The following GFRA1 variants were observed in gnomAD, a reference collection of about 807,000 sequenced individuals.
GFRA1 encodes GDNF family receptor alpha 1, also known as GDNF family receptor alpha-1.
GFRA1 carries 16 observed loss-of-function variants against 51.6 expected under a neutral mutation model. The ratio of observed to expected loss-of-function variants is 0.31; its 90% CI spans 0.21 to 0.47. GFRA1 has a LOEUF of 0.47. Ranked by LOEUF, GFRA1 falls within the 20% of genes least tolerant of loss-of-function variation. GFRA1 has a pLI of 1.00. For synonymous variants in GFRA1, 270 were observed against 241.3 expected (o/e 1.12, Z -1.10); for missense variants, 530 against 594.3 (o/e 0.89, Z 1.13).
intron 4 of GFRA1, among the ~76,000 whole-genome samples, chr10:116,263,266 A>T (rs1487234683): frequency 6.6e-6 from 1 of 152,212 alleles, no homozygotes; most frequent in East Asian, 1.9e-4. Context: ...CCCAGTCTTG[A>T]GTCAGGAGCA....
At position 116,243,557 on chromosome 10, in the gene GFRA1, G is replaced by GT. The variant is rs567430536; in HGVS notation, c.418+25945_418+25946insA. 7.1e-3 allele frequency among the ~76,000 whole-genome samples: 941 copies of GT among 131,656 alleles called. 6 individuals carry two copies. Among genetic ancestry groups the GT allele is most frequent in the South Asian group, 0.011 (44 of 3,956 alleles). The allele number at this position is 131,656 out of a possible 152,430, so 86.4% of individuals were successfully genotyped here. On this transcript the variant is annotated intron_variant, in intron 4 of 10. Coordinates refer to ENST00000355422, the MANE Select transcript of GFRA1 (RefSeq NM_005264.8). ...AAATGTGATATAACAAAAAGGGTTT[G>GT]GTTTTTTTTTTAAGAAAAAAAAAAC...
chr10:116,101,398 G>A (rs73367238), intron 6 of GFRA1, among the ~76,000 whole-genome samples: 1,846 of 152,100 alleles, frequency 0.012, 37 homozygotes, highest in African/African-American at 0.043. Context: ...GAAATGTATC[G>A]CTCTCAGTAA....
intron 9 of GFRA1, among the ~76,000 whole-genome samples, chr10:116,082,944 T>C (rs1011451096): frequency 2.6e-5 from 4 of 152,214 alleles, no homozygotes; most frequent in African/African-American, 9.6e-5. Flanking sequence ...TGGAGGCCAC[T>C]TCCCCCAGTC....
At chr10:116,252,115 G>T (rs1448031178) in intron 4 of GFRA1, among the ~76,000 whole-genome samples, 1 of 151,908 alleles carries the variant, frequency 6.6e-6, no homozygotes, top group Non-Finnish European at 1.5e-5. Context: ...GCCCACGTCA[G>T]AGTGCTAATC....
intron 5 of GFRA1, among the ~76,000 whole-genome samples, chr10:116,138,422 GCTTT>G (rs1317574351): frequency 6.6e-6 from 1 of 151,884 alleles, no homozygotes; most frequent in Non-Finnish European, 1.5e-5. Context: ...CTAAATCCTG[GCTTT>G]CTATTTGATT....
In GFRA1 at chr10:116,060,838, C is replaced by G. The variant is rs576291424; in HGVS notation, c.*3560G>C. 6.6e-6 allele frequency: 1 copy of G among 152,198 alleles called. No individual in the cohort carries two copies. The highest frequency in any genetic ancestry group is 1.5e-5 in the Non-Finnish European group (1 of 68,010). 9.4% of individuals were successfully genotyped at this position (152,198 alleles called of 1,614,324 possible). ...GTCTAACTAACTGCATGAATGAAAA[C>G]TTATTTTCCAAAAGACAGCTCCTCT... is the stretch of plus-strand genomic sequence containing the variant. On this transcript the variant is annotated 3_prime_UTR_variant, in exon 11 of 11. Transcript: ENST00000355422.
At chr10:116,206,099 G>A (rs1267521579) in intron 5 of GFRA1, among the ~76,000 whole-genome samples, 1 of 152,012 alleles carries the variant, frequency 6.6e-6, no homozygotes, top group Non-Finnish European at 1.5e-5. Flanking sequence ...GTGTGACTGG[G>A]GAGCCAACCA....
intron 5 of GFRA1, among the ~76,000 whole-genome samples, chr10:116,170,939 T>C (rs1422434065): frequency 6.6e-6 from 1 of 152,190 alleles, no homozygotes; most frequent in African/African-American, 2.4e-5. Context: ...GGACACATCA[T>C]CCTTTTGCTA....
At chr10:116,185,565 G>A (rs74874714) in intron 5 of GFRA1, among the ~76,000 whole-genome samples, 7,958 of 152,154 alleles carry the variant, frequency 0.052, 254 homozygotes, top group South Asian at 0.12. Flanking sequence ...ATCAATGACT[G>A]ACTAGTGTTG....
chr10:116,223,638 G>C (rs1966080194), intron 4 of GFRA1, among the ~76,000 whole-genome samples: 2 of 152,176 alleles, frequency 1.3e-5, no homozygotes, highest in African/African-American at 4.8e-5. Context: ...CTTGGCGGCT[G>C]TACACAGGGA....
chr10:116,176,160 G>T (rs17094308), intron 5 of GFRA1, among the ~76,000 whole-genome samples: 1 of 152,140 alleles, frequency 6.6e-6, no homozygotes, highest in Non-Finnish European at 1.5e-5. Context: ...GAAAAATGTC[G>T]ATCTGCCAAT....
intron 6 of GFRA1, among the ~76,000 whole-genome samples, chr10:116,105,186 T>G (rs1317804099): frequency 6.6e-6 from 1 of 152,236 alleles, no homozygotes; most frequent in Non-Finnish European, 1.5e-5. Context: ...AGATATTCAG[T>G]GGGATAACTG....
intron 5 of GFRA1, among the ~76,000 whole-genome samples, chr10:116,177,722 ATC>A (rs3837366): frequency 0.14 from 21,873 of 152,210 alleles, 1,792 homozygotes; most frequent in East Asian, 0.25. Flanking sequence ...CTTCCTGAAT[ATC>A]TGAGAAATAT....
intron 4 of GFRA1, among the ~76,000 whole-genome samples, chr10:116,250,679 C>T (rs1042753616): frequency 1.3e-5 from 2 of 152,136 alleles, no homozygotes; most frequent in Admixed American, 6.5e-5. Flanking sequence ...GATAGTGAAA[C>T]GCAGCCAGAT....
At chr10:116,136,356 G>A (rs965292042) in intron 5 of GFRA1, among the ~76,000 whole-genome samples, 16 of 152,252 alleles carry the variant, frequency 1.1e-4, no homozygotes, top group Admixed American at 1.0e-3. Flanking sequence ...TTTAGCCTGT[G>A]CGAGCTCCAC....
chr10:116,242,873 T>G (rs1245039909), intron 4 of GFRA1, among the ~76,000 whole-genome samples: 1 of 152,186 alleles, frequency 6.6e-6, no homozygotes, highest in African/African-American at 2.4e-5. Context: ...TTCTTTCTTT[T>G]TTATATTTAA....
chr10:116,153,617 T>A (rs1959142487), intron 5 of GFRA1, among the ~76,000 whole-genome samples: 1 of 152,162 alleles, frequency 6.6e-6, no homozygotes, highest in Non-Finnish European at 1.5e-5. Flanking sequence ...AGTGTGGACA[T>A]AAACAATATA....
intron 5 of GFRA1, among the ~76,000 whole-genome samples, chr10:116,186,497 CAT>C (rs1304395168): frequency 1.3e-5 from 2 of 148,772 alleles, no homozygotes; most frequent in Non-Finnish European, 3.0e-5. Context: ...TTGGTTTCCA[CAT>C]ATGTCTGGGA....
Position 116,272,071 on chromosome 10 carries a change from C to A in GFRA1, c.-42G>T. The A allele has an allele frequency of 2.0e-6, 3 of 1,522,340 alleles. No individual in the cohort carries two copies. The highest frequency in any genetic ancestry group is 8.9e-7 in the Non-Finnish European group (1 of 1,122,740). 94.3% of individuals were successfully genotyped at this position (1,522,340 alleles called of 1,614,324 possible). A position where few individuals can be genotyped will look rare whatever the true frequency, so the allele number is the denominator to read the frequency against. On this transcript the variant is annotated 5_prime_UTR_variant, in exon 2 of 11. Transcript: ENST00000355422. The surrounding 1 kb of genome is among the most constrained non-coding windows in gnomAD (Gnocchi z 4.4). ...TGGTCCCCGCCCCCCCAAAAAAATC[C>A]CGAGCCGCCGCTGGGTCTTGCCGAG...
Sources: allele counts gnomAD v4.1 joint callset (sites outside exome capture counted in the v4.1 genomes callset), GRCh38; gene constraint gnomAD v4.1.1; non-coding constraint Gnocchi (gnomAD v3.1); transcripts MANE v1.5; gene names NCBI Gene and HGNC (gene_info 2026-07-23, HGNC 2026-07-21).